Variants in B3GALT1 observed in about 807,000 individuals in gnomAD.
B3GALT1 encodes beta-1,3-galactosyltransferase 1.
Under a neutral mutation model 23.2 loss-of-function variants are expected in B3GALT1, and 10 were observed. The observed-to-expected ratio is 0.43, with a 90% confidence interval of 0.27 to 0.73. B3GALT1 has a LOEUF of 0.73. Among genes scored for constraint, B3GALT1 ranks in the 30% least tolerant of loss-of-function variants. The probability of loss-of-function intolerance (pLI) is 0.21; values close to 1 mark genes in which losing one functional copy is unlikely to be tolerated. For missense variants in B3GALT1, 299 were observed against 405.4 expected (o/e 0.74, Z 2.25); for synonymous variants, 156 against 141.5 (o/e 1.10, Z -0.73).
At chr2:167,835,021 C>A (rs1314264267) in intron 4 of B3GALT1, among the ~76,000 whole-genome samples, 1 of 152,076 alleles carries the variant, frequency 6.6e-6, no homozygotes, top group Non-Finnish European at 1.5e-5. Flanking sequence ...ATAGTCATAA[C>A]CTCCTTGAAA....
At chr2:167,472,411 A>G (rs777671361) in intron 1 of B3GALT1, among the ~76,000 whole-genome samples, 1 of 152,086 alleles carries the variant, frequency 6.6e-6, no homozygotes. Flanking sequence ...TCAGCATCCT[A>G]CCAACACCTT....
chr2:167,460,623 T>TC (rs987119204), intron 1 of B3GALT1, among the ~76,000 whole-genome samples: 1 of 152,098 alleles, frequency 6.6e-6, no homozygotes, highest in African/African-American at 2.4e-5. Flanking sequence ...GTTTCTATTT[T>TC]TTTTTTCCTT....
chr2:167,416,039 G>A (rs1332105988), intron 1 of B3GALT1, among the ~76,000 whole-genome samples: 1 of 152,198 alleles, frequency 6.6e-6, no homozygotes, highest in Non-Finnish European at 1.5e-5. Flanking sequence ...GCCTGGCCAT[G>A]TAAGAAGTGA....
At chr2:167,753,505 T>G (rs1019375984) in intron 3 of B3GALT1, among the ~76,000 whole-genome samples, 1 of 152,130 alleles carries the variant, frequency 6.6e-6, no homozygotes, top group African/African-American at 2.4e-5. Context: ...AAAAAGCCCT[T>G]GTGAAGCTTT....
chr2:167,627,101 A>G (rs1367649349), intron 2 of B3GALT1, among the ~76,000 whole-genome samples: 4 of 151,614 alleles, frequency 2.6e-5, no homozygotes, highest in Non-Finnish European at 5.9e-5. Flanking sequence ...TCTAATTGCA[A>G]TTTGGGGTCA....
At chr2:167,408,684 A>G (rs1300012832) in intron 1 of B3GALT1, among the ~76,000 whole-genome samples, 1 of 152,158 alleles carries the variant, frequency 6.6e-6, no homozygotes, top group Non-Finnish European at 1.5e-5. Flanking sequence ...TAACACTTAT[A>G]TATGGCCAAC....
chr2:167,854,939 T>G (rs1162166140), intron 4 of B3GALT1, among the ~76,000 whole-genome samples: 1 of 152,174 alleles, frequency 6.6e-6, no homozygotes, highest in Admixed American at 6.5e-5. Flanking sequence ...CTCTCAGAGC[T>G]TAATTGAAAT....
chr2:167,460,455 T>C (rs752231048), intron 1 of B3GALT1, among the ~76,000 whole-genome samples: 1 of 152,172 alleles, frequency 6.6e-6, no homozygotes, highest in Non-Finnish European at 1.5e-5. Flanking sequence ...TTGTTTCCTT[T>C]TAAAAGATTT....
intron 3 of B3GALT1, among the ~76,000 whole-genome samples, chr2:167,693,141 C>A (rs748328543): frequency 3.0e-4 from 46 of 151,702 alleles, no homozygotes; most frequent in Admixed American, 6.6e-5. Flanking sequence ...ACAAGAGTGC[C>A]CAAGGTCCCG....
intron 3 of B3GALT1, among the ~76,000 whole-genome samples, chr2:167,759,441 T>A (rs996996905): frequency 6.6e-6 from 1 of 152,206 alleles, no homozygotes; most frequent in Non-Finnish European, 1.5e-5. Context: ...ACTTGCATGA[T>A]GTTTGCACAT....
chr2:167,782,523 AT>A (rs1234732798), intron 3 of B3GALT1, among the ~76,000 whole-genome samples: 1 of 152,160 alleles, frequency 6.6e-6, no homozygotes, highest in African/African-American at 2.4e-5. Context: ...CACAATAGAA[AT>A]CTCACCTTAC....
At chr2:167,321,231 G>A (rs994304225) in intron 1 of B3GALT1, among the ~76,000 whole-genome samples, 12 of 151,942 alleles carry the variant, frequency 7.9e-5, no homozygotes, top group Non-Finnish European at 1.5e-5. Context: ...TATTGAAGTG[G>A]AATGAATAAA....
chr2:167,710,265 T>C (rs1456224359), intron 3 of B3GALT1, among the ~76,000 whole-genome samples: 1 of 152,334 alleles, frequency 6.6e-6, no homozygotes, highest in African/African-American at 2.4e-5. Flanking sequence ...AACCCTGAAG[T>C]ATCTTTATTA....
At chr2:167,490,346 G>T (rs1237218777) in intron 2 of B3GALT1, 69 bp downstream of exon 2, 2 of 152,192 alleles carry the variant, frequency 1.3e-5, no homozygotes, top group Non-Finnish European at 2.9e-5. Flanking sequence ...AAAAATAGAT[G>T]ATATTATTCA....
At chr2:167,431,820 G>C (rs1698709533) in intron 1 of B3GALT1, among the ~76,000 whole-genome samples, 1 of 152,112 alleles carries the variant, frequency 6.6e-6, no homozygotes, top group African/African-American at 2.4e-5. Context: ...TGGAATTGGG[G>C]GGGAAGGGGA....
At chr2:167,812,530 A>T (rs1688910761) in intron 3 of B3GALT1, among the ~76,000 whole-genome samples, 1 of 152,210 alleles carries the variant, frequency 6.6e-6, no homozygotes, top group South Asian at 2.1e-4. Context: ...ATCAATTAGA[A>T]CATTTATATT....
At chr2:167,752,905 G>T (rs951417535) in intron 3 of B3GALT1, among the ~76,000 whole-genome samples, 1 of 152,196 alleles carries the variant, frequency 6.6e-6, no homozygotes, top group Non-Finnish European at 1.5e-5. Flanking sequence ...AGATGCAACA[G>T]CTGAGTGCAT....
At chr2:167,450,062 T>G (rs1290433175) in intron 1 of B3GALT1, among the ~76,000 whole-genome samples, 1 of 152,164 alleles carries the variant, frequency 6.6e-6, no homozygotes, top group Non-Finnish European at 1.5e-5. Context: ...TCTTTTTTAG[T>G]TATGTCCTTG....
At chr2:167,525,035 A>G (rs920501024) in intron 2 of B3GALT1, among the ~76,000 whole-genome samples, 2 of 152,214 alleles carry the variant, frequency 1.3e-5, no homozygotes, top group Non-Finnish European at 1.5e-5. Context: ...CATTTCCCAT[A>G]TATGCAAGAG....
Sources: gnomAD v4.1 joint callset for allele counts (sites outside exome capture counted in the v4.1 genomes callset) on GRCh38, gnomAD v4.1.1 for gene constraint, MANE v1.5 for transcripts, NCBI Gene and HGNC (gene_info 2026-07-23, HGNC 2026-07-21) for gene names.